The following MYH11 variants were observed in gnomAD, a reference collection of about 807,000 sequenced individuals.
MYH11 encodes myosin-11.
Under a neutral mutation model 246.6 loss-of-function variants are expected in MYH11, and 80 were observed. The ratio of observed to expected loss-of-function variants is 0.32; its 90% confidence interval spans 0.27 to 0.39. The LOEUF is 0.39. Ranked by LOEUF, MYH11 falls within the 10% of genes least tolerant of loss-of-function variation. The pLI is 1.00. For synonymous variants in MYH11, 1,071 were observed against 1,015.5 expected, an observed-to-expected ratio of 1.05 and a Z score of -1.04; for missense variants, 2,158 against 2,546.8, an observed-to-expected ratio of 0.85 and a Z score of 3.29.
intron 37 of MYH11, 35 bp downstream of exon 37, chr16:15,718,280 A>G: frequency 6.2e-7 from 1 of 1,605,936 alleles, no homozygotes; most frequent in Non-Finnish European, 8.5e-7. Context: ...GAGAGACAGT[A>G]GGCAGCGTGA....
intron 1 of MYH11, among the ~76,000 whole-genome samples, chr16:15,855,464 C>T (rs2044440672): frequency 1.3e-5 from 2 of 152,194 alleles, no homozygotes; most frequent in South Asian, 2.1e-4. Context: ...AGGGTATGAA[C>T]TTGGACTCAA....
intron 1 of MYH11, among the ~76,000 whole-genome samples, chr16:15,851,537 G>T (rs984305872): frequency 6.6e-6 from 1 of 152,010 alleles, no homozygotes; most frequent in Admixed American, 6.6e-5. Context: ...AAGAGTAAAT[G>T]GACACCCGAT....
chr16:15,773,621 G>A (rs1246348383), intron 8 of MYH11, among the ~76,000 whole-genome samples: 1 of 151,980 alleles, frequency 6.6e-6, no homozygotes, highest in African/African-American at 2.4e-5. Context: ...AATATATAAG[G>A]CTTATATCAC....
chr16:15,807,997 CT>C (rs11343764), intron 3 of MYH11, among the ~76,000 whole-genome samples: 4,427 of 152,284 alleles, frequency 0.029, 142 homozygotes, highest in Admixed American at 0.1. Context: ...CCCAGGCTCC[CT>C]GCGTCTGCCC....
chr16:15,779,999 G>A (rs1419033004), intron 6 of MYH11, among the ~76,000 whole-genome samples: 1 of 152,180 alleles, frequency 6.6e-6, no homozygotes, highest in Non-Finnish European at 1.5e-5. Context: ...AGAGTGATTT[G>A]GGATGACCAT....
chr16:15,823,452 G>C (rs1567200632), intron 2 of MYH11, 41 bp from the exon 3 acceptor site: 1 of 1,613,532 alleles, frequency 6.2e-7, no homozygotes, highest in African/African-American at 1.3e-5. Flanking sequence ...ACCTCCTCCA[G>C]GGTAGACAGA....
chr16:15,726,717 C>T (rs541584212), intron 28 of MYH11, 131 bp downstream of exon 28: 3 of 1,084,426 alleles, frequency 2.8e-6, no homozygotes, highest in Admixed American at 2.0e-5. Context: ...CGCCTCTCCT[C>T]CAGGAACGCA....
chr16:15,808,870 G>A (rs1437189966), intron 3 of MYH11, among the ~76,000 whole-genome samples: 1 of 152,088 alleles, frequency 6.6e-6, no homozygotes, highest in Non-Finnish European at 1.5e-5. Flanking sequence ...TCTAGCTTGG[G>A]TGAAAGAGTG....
intron 10 of MYH11, 55 bp downstream of exon 10, chr16:15,763,741 T>TGGGCCCCCC: frequency 6.2e-6 from 4 of 646,842 alleles, no homozygotes; most frequent in Non-Finnish European, 2.9e-6. Context: ...AAATGTCACC[T>TGGGCCCCCC]CCCCCACCCC....
At chr16:15,813,520 G>C (rs1307019710) in intron 3 of MYH11, among the ~76,000 whole-genome samples, 2 of 152,072 alleles carry the variant, frequency 1.3e-5, no homozygotes, top group East Asian at 3.8e-4. Context: ...GAATATTTCT[G>C]TAAAGCCCTG....
At chr16:15,746,283 C>A (rs1410253993) in intron 19 of MYH11, among the ~76,000 whole-genome samples, 1 of 151,964 alleles carries the variant, frequency 6.6e-6, no homozygotes, top group Non-Finnish European at 1.5e-5. Context: ...TGACCCTGAA[C>A]CAGCACTCTT....
chr16:15,720,291 G>C lies in MYH11; in HGVS notation c.4813C>G (p.Leu1605Val). 1 of 1,614,102 alleles carries C rather than the reference G, an allele frequency of 6.2e-7. No homozygotes were observed. The highest frequency in any genetic ancestry group is 8.5e-7 in the Non-Finnish European group (1 of 1,180,000). The change falls in exon 34 of 41, where the codon CTG becomes GTG. Residue 1605 changes from leucine (L) to valine (V), a missense_variant. This residue lies in a region of MYH11 where 1,013 missense variants were observed against 993.5 expected (regional missense o/e 1.02). Coordinates refer to ENST00000300036, the MANE Select transcript of MYH11 (RefSeq NM_002474.3). ...QRQLHEYETELEDERKQRALA... is the reference protein window; with the variant it reads ...QRQLHEYETEVEDERKQRALA... ...GCACGTTGCTTTCGCTCGTCTTCCA[G>C]TTCCGTCTCATACTCGTGAAGCTGG...
rs1242915320 is a variant in MYH11, at chr16:15,720,155, A to T, written c.4949T>A (p.Leu1650Gln). 7.4e-6 allele frequency: 12 copies of T among 1,613,900 alleles called. No homozygotes were observed. The highest frequency in any genetic ancestry group is 4.0e-5 in the African/African-American group (3 of 74,882). The change falls in exon 34 of 41, where the codon CTG (leucine) becomes CAG (glutamine). Residue 1650 changes from leucine to glutamine, a missense_variant. Physicochemically the swap from Leu to Gln is moderately radical, Grantham distance 113. Coordinates refer to ENST00000300036, the MANE Select transcript of MYH11 (RefSeq NM_002474.3). Reference protein sequence around the residue: ...REEAIKQLRKLQAQMKDFQRE... With the variant: ...REEAIKQLRKQQAQMKDFQRE... ...CAAGCTCCTAGTGTCACCCACCTGC[A>T]GTTTGCGTAGCTGCTTGATGGCTTC...
chr16:15,758,105 C>T, intron 12 of MYH11, 105 bp from the exon 13 acceptor site: 1 of 1,532,404 alleles, frequency 6.5e-7, no homozygotes, highest in Non-Finnish European at 9.0e-7. Flanking sequence ...GGCCCGCCCA[C>T]ATCCTGTTCT....
intron 3 of MYH11, among the ~76,000 whole-genome samples, chr16:15,822,938 A>G (rs115650340): frequency 2.4e-3 from 358 of 152,338 alleles, no homozygotes; most frequent in African/African-American, 6.3e-3. Flanking sequence ...ACAGACCACA[A>G]TGGCTCAGCC....
intron 10 of MYH11, 58 bp downstream of exon 10, chr16:15,763,738 A>AGCTGGGGCC: frequency 1.4e-6 from 1 of 717,694 alleles, no homozygotes; most frequent in East Asian, 2.8e-5. Flanking sequence ...GTTAAATGTC[A>AGCTGGGGCC]CCTCCCCCAC....
intron 20 of MYH11, among the ~76,000 whole-genome samples, chr16:15,743,421 G>A (rs2041330807): frequency 6.6e-6 from 1 of 152,082 alleles, no homozygotes; most frequent in African/African-American, 2.4e-5. Context: ...CTCCTGCCTT[G>A]GCCACCCAAA....
intron 6 of MYH11, among the ~76,000 whole-genome samples, chr16:15,781,981 G>A (rs1167810097): frequency 2.0e-5 from 3 of 152,140 alleles, no homozygotes; most frequent in East Asian, 3.9e-4. Context: ...TTCATGTTTT[G>A]TTACATAAAA....
intron 25 of MYH11, 30 bp from the exon 26 acceptor site, chr16:15,735,608 C>T (rs780136486): frequency 6.2e-7 from 1 of 1,612,484 alleles, no homozygotes; most frequent in South Asian, 1.1e-5. Context: ...CAGAATGAAC[C>T]CCCAGGTCCC....
Sources: gnomAD v4.1 joint callset for allele counts (sites outside exome capture counted in the v4.1 genomes callset) on GRCh38, gnomAD v4.1.1 for gene constraint, gnomAD v4.1.1 regional missense constraint, MANE v1.5 for transcripts, NCBI Gene and HGNC (gene_info 2026-07-23, HGNC 2026-07-21) for gene names.